Variants in SLC38A9 observed in about 807,000 individuals in gnomAD.
The protein encoded by SLC38A9 is solute carrier family 38 member 9.
Under a neutral mutation model 62.3 loss-of-function variants are expected in SLC38A9, and 48 were observed. The observed-to-expected ratio is 0.77, with a 90% confidence interval of 0.61 to 0.98. SLC38A9 has a LOEUF of 0.98. Ranked by LOEUF, SLC38A9 falls within the 50% of genes least tolerant of loss-of-function variation. The pLI, the probability that SLC38A9 is intolerant of heterozygous loss-of-function variation, is 0.00. For synonymous variants in SLC38A9, 204 were observed against 227.7 expected, an observed-to-expected ratio of 0.90 and a Z score of 0.94; for missense variants, 541 against 679.8, an observed-to-expected ratio of 0.80 and a Z score of 2.27.
In SLC38A9 at chr5:55,672,829, G is replaced by A. The variant is rs1430555631; in HGVS notation, c.114-134C>T. The A allele has an allele frequency of 5.0e-6, 4 of 800,216 alleles. No homozygotes were observed. The African/African-American group carries it at 5.2e-5, about 10-fold the overall frequency. 49.6% of individuals were successfully genotyped at this position (800,216 alleles called of 1,614,324 possible). A position where few individuals can be genotyped will look rare whatever the true frequency, so the allele number is the denominator to read the frequency against. On this transcript the variant is annotated intron_variant, in intron 3 of 15. Coordinates refer to ENST00000396865, the MANE Select transcript of SLC38A9 (RefSeq NM_173514.4). ...GCAAGGCATTGACTTCTCACTTTTG[G>A]TGCAAACAGAAAATGTTACAAAAGA...
intron 3 of SLC38A9, among the ~76,000 whole-genome samples, 170 bp downstream of exon 3, chr5:55,697,674 AAT>A (rs1554069077): frequency 3.6e-5 from 5 of 137,474 alleles, no homozygotes; most frequent in East Asian, 2.1e-4. Context: ...AAAAAAAAAA[AAT>A]ATAAACCAGT....
At chr5:55,697,496 A>G (rs1052774501) in intron 3 of SLC38A9, among the ~76,000 whole-genome samples, 1 of 152,158 alleles carries the variant, frequency 6.6e-6, no homozygotes, top group African/African-American at 2.4e-5. Context: ...ATGAAGATGA[A>G]GATTTTCTAT....
Position 55,669,239 on chromosome 5 carries a change from C to T in SLC38A9, c.515G>A (p.Arg172Gln), listed in dbSNP as rs764383138. The T allele has an allele frequency of 8.1e-6, 13 of 1,610,930 alleles. No homozygotes were observed. The highest frequency in any genetic ancestry group is 1.6e-4 in the Middle Eastern group (1 of 6,078). ...LYCCYRVVKSRTMMFSLDTTS... is the reference protein window; with the variant it reads ...LYCCYRVVKSQTMMFSLDTTS... Reference sequence around the variant, plus strand: ...TGTCAAATTCTTACACATCATAGTCCGTGATTTCACTACTCTGTAGCAGCA... The same window carrying T: ...TGTCAAATTCTTACACATCATAGTCTGTGATTTCACTACTCTGTAGCAGCA... Residue 172 changes from arginine (R) to glutamine (Q), a missense_variant, in exon 7 of 16, where the codon CGG becomes CAG. Transcript: ENST00000396865.
intron 7 of SLC38A9, 117 bp downstream of exon 7, chr5:55,669,111 T>A (rs912143615): frequency 2.5e-5 from 15 of 588,302 alleles, no homozygotes; most frequent in Non-Finnish European, 3.1e-5. Context: ...CAGAAGTAAA[T>A]CTTTAGGTAC....
chr5:55,672,750 C>T, intron 3 of SLC38A9, 55 bp from the exon 4 acceptor site: 1 of 1,570,924 alleles, frequency 6.4e-7, no homozygotes, highest in Non-Finnish European at 8.6e-7. Context: ...TTCTGGAAGT[C>T]AGCCTTTGAA....
intron 8 of SLC38A9, among the ~76,000 whole-genome samples, chr5:55,663,946 A>T (rs1226731235): frequency 6.6e-6 from 1 of 152,186 alleles, no homozygotes; most frequent in African/African-American, 2.4e-5. Flanking sequence ...TGCTAAACAT[A>T]TATTAAACTT....
At chr5:55,692,538 A>G (rs1754891325) in intron 3 of SLC38A9, 1 of 736,034 alleles carries the variant, frequency 1.4e-6, no homozygotes, top group Middle Eastern at 6.9e-4. Flanking sequence ...CAAGCAAATT[A>G]GCATTTAGTA....
At chr5:55,667,951 A>T (rs1047126086) in intron 7 of SLC38A9, among the ~76,000 whole-genome samples, 3 of 152,188 alleles carry the variant, frequency 2.0e-5, no homozygotes, top group Admixed American at 2.0e-4. Flanking sequence ...TGAGCAGATC[A>T]CTTGAGCCCA....
At chr5:55,648,205 C>T (rs1746738155) in intron 11 of SLC38A9, among the ~76,000 whole-genome samples, 1 of 152,134 alleles carries the variant, frequency 6.6e-6, no homozygotes, top group African/African-American at 2.4e-5. Context: ...TGCCACTGCA[C>T]TCGAGCCTGG....
rs1256520194 is a variant in SLC38A9, at chr5:55,696,846, G to A, written c.113+1000C>T. On this transcript the variant is annotated intron_variant, in intron 3 of 15. Coordinates refer to ENST00000396865, the MANE Select transcript of SLC38A9 (RefSeq NM_173514.4). Reference sequence around the variant, plus strand: ...CGGAGGGTCTCCTCTCTTCTCAGACGGGGCGGCCGGGCAGAGACGCTCCTC... The same window carrying A: ...CGGAGGGTCTCCTCTCTTCTCAGACAGGGCGGCCGGGCAGAGACGCTCCTC... The A allele has an allele frequency of 7.4e-5, 12 of 162,944 alleles. No homozygotes were observed. The East Asian group carries it at 1.3e-3, about 17-fold the overall frequency. The allele number at this position is 162,944 out of a possible 1,614,324, so 10.1% of individuals were successfully genotyped here. A position where few individuals can be genotyped will look rare whatever the true frequency, so the allele number is the denominator to read the frequency against.
chr5:55,680,846 C>A (rs915667036), intron 3 of SLC38A9, among the ~76,000 whole-genome samples: 1 of 152,184 alleles, frequency 6.6e-6, no homozygotes, highest in Non-Finnish European at 1.5e-5. Context: ...ATCCAGATGG[C>A]AAATATTGTA....
chr5:55,655,880 C>T (rs1442748316), intron 9 of SLC38A9, among the ~76,000 whole-genome samples: 1 of 152,104 alleles, frequency 6.6e-6, no homozygotes, highest in African/African-American at 2.4e-5. Flanking sequence ...TTTATATTCA[C>T]TTTCCCTGTA....
Position 55,633,888 on chromosome 5 carries a change from G to A in SLC38A9, c.1296C>T (p.Asn432=), listed in dbSNP as rs1216767178. 1.2e-6 allele frequency: 2 copies of A among 1,602,750 alleles called. No homozygotes were observed. The highest frequency in any genetic ancestry group is 2.7e-5 in the African/African-American group (2 of 74,576). The change falls in exon 14 of 16, where the codon AAC becomes AAT. Residue 432 remains asparagine (N), a synonymous_variant. Coordinates refer to ENST00000396865, the MANE Select transcript of SLC38A9 (RefSeq NM_173514.4). ...KDCIEQNFLD[N]FPSSDTLSFI... Reference sequence around the variant, plus strand: ...AGGACAGGGTGTCACTGCTAGGGAAGTTGTCTAAAAAATTCTAATCCAAGA... The same window carrying A: ...AGGACAGGGTGTCACTGCTAGGGAAATTGTCTAAAAAATTCTAATCCAAGA...
rs1390010410 is a variant in SLC38A9 at position 55,672,548 on chromosome 5, T to C, written c.246+15A>G. 3.1e-6 allele frequency: 5 copies of C among 1,612,150 alleles called. No individual in the cohort carries two copies. The highest frequency in any genetic ancestry group is 1.3e-5 in the African/African-American group (1 of 74,844). ...CAACTGAATTTTAGACTATTAGTAA[T>C]GTTTTGTCTCTTACCAGTGCCTTGT... On this transcript the variant is annotated intron_variant, in intron 4 of 15. Transcript: ENST00000396865.
chr5:55,681,180 T>C (rs978506630), intron 3 of SLC38A9, among the ~76,000 whole-genome samples: 2 of 152,214 alleles, frequency 1.3e-5, no homozygotes, highest in Non-Finnish European at 2.9e-5. Flanking sequence ...ATAATACTTA[T>C]ATCTTTGAGA....
chr5:55,675,514 T>C (rs80090459), intron 3 of SLC38A9, among the ~76,000 whole-genome samples: 6,615 of 152,234 alleles, frequency 0.043, 190 homozygotes, highest in Non-Finnish European at 0.068. Flanking sequence ...AATTAAACAA[T>C]ACTATACAGA....
At chr5:55,663,147 G>A (rs963951061) in intron 8 of SLC38A9, among the ~76,000 whole-genome samples, 1 of 151,626 alleles carries the variant, frequency 6.6e-6, no homozygotes, top group Non-Finnish European at 1.5e-5. Flanking sequence ...CACCAGCCTC[G>A]TCCTCCCAAA....
At chr5:55,687,988 C>G (rs1469816744) in intron 3 of SLC38A9, among the ~76,000 whole-genome samples, 1 of 152,140 alleles carries the variant, frequency 6.6e-6, no homozygotes, top group Non-Finnish European at 1.5e-5. Context: ...TGAGCCACTG[C>G]ACCCGGCCGG....
intron 3 of SLC38A9, among the ~76,000 whole-genome samples, chr5:55,677,921 C>CG (rs1752351280): frequency 4.8e-5 from 1 of 20,798 alleles, no homozygotes. Context: ...CTTTTTTTTT[C>CG]TTTATTGTGT....
Sources: allele counts gnomAD v4.1 joint callset (sites outside exome capture counted in the v4.1 genomes callset), GRCh38; gene constraint gnomAD v4.1.1; transcripts MANE v1.5; gene names NCBI Gene and HGNC (gene_info 2026-07-23, HGNC 2026-07-21).